UST: variants seen among roughly 807,000 people sequenced by gnomAD.
The protein encoded by UST is uronyl 2-sulfotransferase, also known as chondroitin sulfate 2-O-sulfotransferase.
In UST, 21 loss-of-function variants were observed where a neutral mutation model predicts 45.6. That is an observed-to-expected ratio of 0.46 (90% CI 0.33 to 0.66). The LOEUF (loss-of-function observed/expected upper bound fraction) is 0.66. Among genes scored for constraint, UST ranks in the 30% least tolerant of loss-of-function variants. The probability of loss-of-function intolerance (pLI) is 0.02; values close to 1 mark genes in which losing one functional copy is unlikely to be tolerated. For synonymous variants in UST, 215 were observed against 200.6 expected (o/e 1.07, Z -0.61); for missense variants, 463 against 512.4 (o/e 0.90, Z 0.93).
intron 5 of UST, among the ~76,000 whole-genome samples, chr6:149,011,007 T>C (rs1354982059): frequency 6.6e-6 from 1 of 152,010 alleles, no homozygotes; most frequent in Non-Finnish European, 1.5e-5. Context: ...TCAAAAAATG[T>C]TTGGTCTCTT....
Position 148,828,349 on chromosome 6 carries a change from CA to C in UST, c.248-58636del, listed in dbSNP as rs200229422. Reference sequence around the variant, plus strand: ...GAATTATGTGTAGAAAGAGCACAGACAGAACAAAATCATAAGTTAATAATGC... The same window carrying C: ...GAATTATGTGTAGAAAGAGCACAGACGAACAAAATCATAAGTTAATAATGC... On this transcript the variant is annotated intron_variant, in intron 1 of 7. Transcript: ENST00000367463. Among the ~76,000 whole-genome samples, 94 of 151,962 alleles carry C rather than the reference CA, an allele frequency of 6.2e-4. No homozygotes were observed. The East Asian group carries it at 0.012, about 20-fold the overall frequency.
chr6:148,940,721 C>T (rs556791256), intron 2 of UST, among the ~76,000 whole-genome samples: 1 of 152,282 alleles, frequency 6.6e-6, no homozygotes, highest in African/African-American at 2.4e-5. Context: ...ATCCTCATGG[C>T]TGTGAAGTGG....
At chr6:148,989,297 G>C (rs1781303763) in intron 5 of UST, among the ~76,000 whole-genome samples, 1 of 149,012 alleles carries the variant, frequency 6.7e-6, no homozygotes, top group Non-Finnish European at 1.5e-5. Context: ...GACTGAGAAT[G>C]AATTATTAAG....
chr6:148,837,700 TC>T (rs147197494), intron 1 of UST, among the ~76,000 whole-genome samples: 25,255 of 150,896 alleles, frequency 0.17, 2,176 homozygotes, highest in South Asian at 0.24. Flanking sequence ...TTTTTTTTTT[TC>T]TCTCCTTTTT....
intron 1 of UST, among the ~76,000 whole-genome samples, chr6:148,836,109 A>G (rs780220118): frequency 4.6e-5 from 7 of 152,146 alleles, no homozygotes; most frequent in Non-Finnish European, 7.4e-5. Flanking sequence ...TTTGCGGAAG[A>G]GGAGGAAAAG....
chr6:148,942,529 G>T (rs1780147927), intron 3 of UST, among the ~76,000 whole-genome samples: 1 of 152,236 alleles, frequency 6.6e-6, no homozygotes, highest in Non-Finnish European at 1.5e-5. Context: ...CTGCACTCCA[G>T]CCTGGAGACA....
chr6:148,899,331 C>T (rs572691845), intron 2 of UST, among the ~76,000 whole-genome samples: 15 of 152,264 alleles, frequency 9.9e-5, no homozygotes, highest in African/African-American at 2.9e-4. Context: ...GATCTCCTGA[C>T]CTCATGATCT....
chr6:148,778,588 C>T (rs895794517), intron 1 of UST, among the ~76,000 whole-genome samples: 14 of 152,310 alleles, frequency 9.2e-5, no homozygotes, highest in Admixed American at 6.5e-5. Flanking sequence ...TCCCAGGCCA[C>T]GTCAGGCAGG....
intron 1 of UST, among the ~76,000 whole-genome samples, chr6:148,886,589 G>A (rs1240778696): frequency 6.6e-6 from 1 of 152,190 alleles, no homozygotes; most frequent in African/African-American, 2.4e-5. Context: ...TTGGGAACTG[G>A]TTAGAAATGC....
At chr6:148,767,988 T>G (rs958859021) in intron 1 of UST, among the ~76,000 whole-genome samples, 1 of 152,198 alleles carries the variant, frequency 6.6e-6, no homozygotes, top group Non-Finnish European at 1.5e-5. Flanking sequence ...ATTATTAAAT[T>G]GTTGCAGACT....
intron 7 of UST, among the ~76,000 whole-genome samples, chr6:149,022,473 G>A (rs149603733): frequency 4.0e-4 from 61 of 152,078 alleles, no homozygotes; most frequent in Admixed American, 1.4e-3. Context: ...GTTGGTGGGA[G>A]CCTGTAATTC....
intron 1 of UST, among the ~76,000 whole-genome samples, chr6:148,765,434 C>T (rs1461269888): frequency 6.6e-6 from 1 of 152,092 alleles, no homozygotes; most frequent in Non-Finnish European, 1.5e-5. Context: ...CTTAGGATTG[C>T]TTTGACTATT....
At chr6:148,760,730 ACAAAAC>A (rs1776200879) in intron 1 of UST, among the ~76,000 whole-genome samples, 7 of 152,032 alleles carry the variant, frequency 4.6e-5, no homozygotes, top group African/African-American at 1.2e-4. Context: ...ACAAAACAAA[ACAAAAC>A]AAAAAAAAAC....
intron 5 of UST, among the ~76,000 whole-genome samples, chr6:149,004,781 T>C (rs1403970032): frequency 7.1e-6 from 1 of 141,534 alleles, no homozygotes; most frequent in African/African-American, 2.6e-5. Context: ...AAGGAAGAAG[T>C]ACAATGGGCA....
intron 5 of UST, among the ~76,000 whole-genome samples, chr6:149,015,457 G>C (rs572782784): frequency 6.6e-6 from 1 of 152,266 alleles, no homozygotes; most frequent in South Asian, 2.1e-4. Flanking sequence ...AAAAGGGCTA[G>C]ACTTGGCAGG....
chr6:148,774,779 G>GA (rs1352926932), intron 1 of UST, among the ~76,000 whole-genome samples: 1 of 152,192 alleles, frequency 6.6e-6, no homozygotes, highest in Non-Finnish European at 1.5e-5. Flanking sequence ...AGCACTTCGG[G>GA]AGGCCAAGGT....
At chr6:148,917,818 A>C (rs530928713) in intron 2 of UST, among the ~76,000 whole-genome samples, 1 of 152,306 alleles carries the variant, frequency 6.6e-6, no homozygotes, top group South Asian at 2.1e-4. Flanking sequence ...GGGAGCTCAG[A>C]TGGGTGGCAA....
intron 5 of UST, among the ~76,000 whole-genome samples, chr6:148,996,625 C>T (rs903277599): frequency 2.0e-5 from 3 of 152,232 alleles, no homozygotes; most frequent in African/African-American, 7.2e-5. Context: ...TGGAATTGAT[C>T]TCTTCATCAT....
At chr6:148,859,531 C>A (rs112148007) in intron 1 of UST, among the ~76,000 whole-genome samples, 1 of 152,158 alleles carries the variant, frequency 6.6e-6, no homozygotes, top group African/African-American at 2.4e-5. Context: ...GCTTTTGTTG[C>A]CATTGCTTTT....
Sources: allele counts gnomAD v4.1 joint callset (sites outside exome capture counted in the v4.1 genomes callset), GRCh38; gene constraint gnomAD v4.1.1; transcripts MANE v1.5; gene names NCBI Gene and HGNC (gene_info 2026-07-23, HGNC 2026-07-21).